The following DUSP13B variants were observed in gnomAD, a reference collection of about 807,000 sequenced individuals.
The protein encoded by DUSP13B is dual specificity protein phosphatase 13B.
chr10:75,107,999 C>A, the DUSP13B span: 20 of 1,611,858 alleles, frequency 1.2e-5, no homozygotes, highest in South Asian at 1.7e-4. Context: ...TACCCCCAGG[C>A]GTGTTGAGGG....
the DUSP13B span, among the ~76,000 whole-genome samples, chr10:75,106,674 G>A: frequency 3.9e-5 from 6 of 152,148 alleles, no homozygotes; most frequent in Admixed American, 6.5e-5. Flanking sequence ...TATACTATTC[G>A]CAATTTGGCT....
the DUSP13B span, among the ~76,000 whole-genome samples, chr10:75,107,777 G>A: frequency 9.5e-4 from 145 of 152,236 alleles, no homozygotes; most frequent in South Asian, 0.014. Flanking sequence ...AGGTTTCACC[G>A]TGTTGGCCAG....
At chr10:75,103,622 T>C in the DUSP13B span, among the ~76,000 whole-genome samples, 1 of 152,196 alleles carries the variant, frequency 6.6e-6, no homozygotes, top group African/African-American at 2.4e-5. Flanking sequence ...TACTCCCCGC[T>C]TGCACTCCCA....
chr10:75,103,830 A>T, the DUSP13B span: 1 of 1,209,280 alleles, frequency 8.3e-7, no homozygotes, highest in Non-Finnish European at 1.1e-6. Context: ...CCACTTTCCC[A>T]GGGAACTTGG....
At chr10:75,107,584 T>C in the DUSP13B span, among the ~76,000 whole-genome samples, 2 of 151,964 alleles carry the variant, frequency 1.3e-5, no homozygotes, top group Non-Finnish European at 2.9e-5. Context: ...AGGACTTTTT[T>C]TTGGCGGGGG....
chr10:75,103,189 AC>A, the DUSP13B span, among the ~76,000 whole-genome samples: 1 of 152,216 alleles, frequency 6.6e-6, no homozygotes, highest in Non-Finnish European at 1.5e-5. Context: ...GTGGAGGAGG[AC>A]AGTGAAGAGG....
the DUSP13B span, among the ~76,000 whole-genome samples, chr10:75,101,340 G>A: frequency 2.6e-5 from 4 of 152,152 alleles, no homozygotes; most frequent in African/African-American, 7.2e-5. Context: ...TAAATGGCAC[G>A]TCTTACTATT....
At chr10:75,102,845 G>T in the DUSP13B span, among the ~76,000 whole-genome samples, 1 of 151,880 alleles carries the variant, frequency 6.6e-6, no homozygotes, top group African/African-American at 2.4e-5. Context: ...CCAGCTACTC[G>T]GGAGCCTGAG....
chr10:75,105,619 C>A, the DUSP13B span: 128 of 1,528,766 alleles, frequency 8.4e-5, no homozygotes, highest in Non-Finnish European at 1.1e-4. Flanking sequence ...CACCTGGCCT[C>A]TTCCGGCCAA....
the DUSP13B span, chr10:75,105,521 G>A: frequency 2.3e-6 from 2 of 860,342 alleles, no homozygotes; most frequent in African/African-American, 3.4e-5. Flanking sequence ...GAGAGGGCCA[G>A]GCCCCCTTTA....
chr10:75,095,703 G>A, the DUSP13B span: 5 of 1,614,088 alleles, frequency 3.1e-6, no homozygotes, highest in African/African-American at 5.3e-5. Flanking sequence ...GTAGAATTTG[G>A]CACCTGTGTC....
At chr10:75,095,516 T>C in the DUSP13B span, 3 of 1,491,898 alleles carry the variant, frequency 2.0e-6, no homozygotes, top group Admixed American at 5.1e-5. Flanking sequence ...GCTACTGGAA[T>C]AATGGAGAGT....
the DUSP13B span, chr10:75,105,970 C>G: frequency 9.3e-7 from 1 of 1,074,042 alleles, no homozygotes; most frequent in African/African-American, 1.6e-5. Context: ...CTTGGGTGCA[C>G]TCTGTGATCC....
chr10:75,095,571 G>A, the DUSP13B span: 1 of 1,613,130 alleles, frequency 6.2e-7, no homozygotes, highest in East Asian at 2.2e-5. Context: ...ATCCAGAAGT[G>A]CACCTTGGGG....
At chr10:75,105,791 G>A in the DUSP13B span, 24 of 1,550,878 alleles carry the variant, frequency 1.5e-5, 1 homozygote, top group South Asian at 8.3e-5. Flanking sequence ...AGGGACAGCC[G>A]CTGGTGCAGC....
the DUSP13B span, chr10:75,099,528 A>C: frequency 4.1e-6 from 5 of 1,229,024 alleles, no homozygotes; most frequent in East Asian, 9.8e-5. Flanking sequence ...GAACACAAAC[A>C]CTGTGAAGCG....
chr10:75,095,691 C>T, the DUSP13B span: 10 of 1,614,208 alleles, frequency 6.2e-6, no homozygotes, highest in Admixed American at 1.7e-5. Context: ...GGACATTCCA[C>T]GGTAGAATTT....
chr10:75,108,683 G>C, the DUSP13B span, among the ~76,000 whole-genome samples: 5 of 152,184 alleles, frequency 3.3e-5, no homozygotes, highest in African/African-American at 7.2e-5. Flanking sequence ...CAGAAACAGG[G>C]GGCTCTCTGT....
At chr10:75,102,469 GA>G in the DUSP13B span, among the ~76,000 whole-genome samples, 2 of 151,932 alleles carry the variant, frequency 1.3e-5, no homozygotes, top group Admixed American at 1.3e-4. Flanking sequence ...AAAACAAAAA[GA>G]AAAAAAGAGA....
Sources: allele counts gnomAD v4.1 joint callset (sites outside exome capture counted in the v4.1 genomes callset), GRCh38; gene constraint gnomAD v4.1.1; transcripts MANE v1.5; gene names NCBI Gene and HGNC (gene_info 2026-07-23, HGNC 2026-07-21).